Variants in ITIH5 observed in about 807,000 individuals in gnomAD.
ITIH5 encodes the protein inter-alpha-trypsin inhibitor heavy chain H5.
ITIH5 carries 65 observed loss-of-function variants against 77.5 expected under a neutral mutation model. That is an observed-to-expected ratio of 0.84 (90% CI 0.69 to 1.03). ITIH5 has a LOEUF of 1.03. Ranked by LOEUF, ITIH5 falls within the 50% of genes least tolerant of loss-of-function variation. The probability of loss-of-function intolerance (pLI) is 0.00; values close to 1 mark genes in which losing one functional copy is unlikely to be tolerated. For missense variants in ITIH5, 1,208 were observed against 1,213.1 expected (o/e 1.00, Z 0.06); for synonymous variants, 525 against 494.3 (o/e 1.06, Z -0.82).
intron 12 of ITIH5, among the ~76,000 whole-genome samples, chr10:7,567,319 T>TTA (rs1832206359): frequency 7.2e-6 from 1 of 139,498 alleles, no homozygotes; most frequent in Admixed American, 7.3e-5. Context: ...TCGGACATCT[T>TTA]TTATTATTAT....
intron 1 of ITIH5, among the ~76,000 whole-genome samples, chr10:7,661,164 C>T (rs1052860652): frequency 6.6e-6 from 1 of 152,150 alleles, no homozygotes; most frequent in Non-Finnish European, 1.5e-5. Flanking sequence ...CTAAAACCAT[C>T]CCTCCCACCC....
intron 10 of ITIH5, 59 bp from the exon 11 acceptor site, chr10:7,573,254 G>A (rs1422630852): frequency 1.4e-6 from 2 of 1,442,386 alleles, no homozygotes; most frequent in African/African-American, 1.4e-5. Flanking sequence ...GAAGAGAGAG[G>A]TGCAAAGGGA....
chr10:7,608,058 T>C (rs183672378), intron 7 of ITIH5, among the ~76,000 whole-genome samples: 2 of 152,292 alleles, frequency 1.3e-5, no homozygotes, highest in African/African-American at 4.8e-5. Flanking sequence ...GATAGCCACA[T>C]AGCGCTTGCC....
At chr10:7,660,550 C>T (rs977565662) in intron 1 of ITIH5, among the ~76,000 whole-genome samples, 4 of 152,092 alleles carry the variant, frequency 2.6e-5, no homozygotes, top group Admixed American at 6.6e-5. Flanking sequence ...CCAAACCTAC[C>T]CCGTTATCAA....
At chr10:7,644,577 C>CATATATATGTG (rs1335256395) in intron 2 of ITIH5, among the ~76,000 whole-genome samples, 1 of 58,380 alleles carries the variant, frequency 1.7e-5, no homozygotes, top group African/African-American at 7.8e-5. Context: ...ATATATATCA[C>CATATATATGTG]ATATATCACA....
In ITIH5 at chr10:7,580,157, G is replaced by A; in HGVS notation, c.1109-93C>T. ...TTTTTTTGAGACGGAGTCTTGCTCTGTCACCCAGGCTGGAGTGCAATGGCG... is the reference window on the plus strand; with the variant it reads ...TTTTTTTGAGACGGAGTCTTGCTCTATCACCCAGGCTGGAGTGCAATGGCG... On this transcript the variant is annotated intron_variant, in intron 8 of 13. Coordinates refer to ENST00000397146, the MANE Select transcript of ITIH5 (RefSeq NM_030569.7). 3 of 1,114,946 alleles carry A rather than the reference G, an allele frequency of 2.7e-6. No homozygotes were observed. The South Asian group carries it at 4.5e-5, about 17-fold the overall frequency. 69.1% of individuals were successfully genotyped at this position (1,114,946 alleles called of 1,614,324 possible).
At chr10:7,630,020 A>AT (rs1338901912) in intron 5 of ITIH5, among the ~76,000 whole-genome samples, 1 of 152,238 alleles carries the variant, frequency 6.6e-6, no homozygotes, top group African/African-American at 2.4e-5. Flanking sequence ...ATACATGTAT[A>AT]TTAAAAACTT....
At chr10:7,630,901 C>T (rs1403107995) in intron 5 of ITIH5, among the ~76,000 whole-genome samples, 2 of 151,856 alleles carry the variant, frequency 1.3e-5, no homozygotes, top group African/African-American at 4.8e-5. Flanking sequence ...CAAAGGTCTC[C>T]CCATTCCTAG....
At chr10:7,585,165 A>G (rs1183675562) in intron 8 of ITIH5, among the ~76,000 whole-genome samples, 2 of 152,230 alleles carry the variant, frequency 1.3e-5, no homozygotes, top group Non-Finnish European at 2.9e-5. Flanking sequence ...AAGTTCTGCT[A>G]AATGCTCCAA....
At position 7,652,494 on chromosome 10, in the gene ITIH5, A is replaced by G. The variant is rs74572289; in HGVS notation, c.135+3137T>C. Among the ~76,000 whole-genome samples the G allele has an allele frequency of 6.8e-3, 1,040 of 152,290 alleles. 14 individuals carry two copies. The highest frequency in any genetic ancestry group is 0.023 in the African/African-American group (967 of 41,562). On this transcript the variant is annotated intron_variant, in intron 2 of 13. Coordinates refer to ENST00000397146, the MANE Select transcript of ITIH5 (RefSeq NM_030569.7). ...GATGCGCCAGGTCTACCACTGGAAAAATCATTCTAGTACCAACTGGATGGT... is the reference window on the plus strand; with the variant it reads ...GATGCGCCAGGTCTACCACTGGAAAGATCATTCTAGTACCAACTGGATGGT...
At chr10:7,603,225 G>A (rs1027728731) in intron 7 of ITIH5, among the ~76,000 whole-genome samples, 3 of 152,188 alleles carry the variant, frequency 2.0e-5, no homozygotes, top group Admixed American at 1.3e-4. Context: ...AAAAAAGAAT[G>A]AAGTGCAGAT....
rs780892784 is a variant in ITIH5, at chr10:7,576,495, C to T, written c.1936G>A (p.Glu646Lys). ...AHGMSAAMGP[E>K]PVVQSVRGAG... Reference sequence around the variant, plus strand: ...CCTCGCACGCTCTGCACCACCGGTTCGGGTCCCATGGCAGCCGACATGCCG... The same window carrying T: ...CCTCGCACGCTCTGCACCACCGGTTTGGGTCCCATGGCAGCCGACATGCCG... The change falls in exon 10 of 14, where the codon GAA (glutamate) becomes AAA (lysine). Residue 646 changes from glutamate (E) to lysine (K), a missense_variant. Glu to Lys is a moderately conservative substitution (Grantham distance 56, BLOSUM62 1). Transcript: ENST00000397146. 19 of 1,609,030 alleles carry T rather than the reference C, an allele frequency of 1.2e-5. No individual in the cohort carries two copies. The highest frequency in any genetic ancestry group is 1.0e-4 in the Admixed American group (6 of 59,946).
intron 7 of ITIH5, among the ~76,000 whole-genome samples, chr10:7,603,876 C>T (rs73617600): frequency 0.024 from 3,697 of 152,278 alleles, 155 homozygotes; most frequent in African/African-American, 0.084. Flanking sequence ...AGCCACCACG[C>T]CCGGCCTGAT....
At position 7,580,041 on chromosome 10, in the gene ITIH5, G is replaced by A. The variant is rs1233124058; in HGVS notation, c.1132C>T (p.Gln378Ter). 1.9e-6 allele frequency: 3 copies of A among 1,607,774 alleles called. No homozygotes were observed. The highest frequency in any genetic ancestry group is 2.7e-5 in the African/African-American group (2 of 74,798). ...TTGTTGAGGAGCCTGATGGCCCTCT[G>A]CAGGGCCCCGTTGATGTCTGTGCCT... Reference protein sequence around the residue: ...TGGTDINGALQRAIRLLNKYV... With the variant: ...TGGTDINGAL Residue 378 changes from glutamine (Q) to a stop codon, truncating the protein, a stop_gained, in exon 9 of 14, where the codon CAG becomes TAG. Coordinates refer to ENST00000397146, the MANE Select transcript of ITIH5 (RefSeq NM_030569.7). LOFTEE classifies it high-confidence loss of function.
In ITIH5 at chr10:7,562,615, G is replaced by A. The variant is rs1832059217; in HGVS notation, c.*468C>T. On this transcript the variant is annotated 3_prime_UTR_variant, in exon 14 of 14. Coordinates refer to ENST00000397146, the MANE Select transcript of ITIH5 (RefSeq NM_030569.7). ...CAGCAGAGGTTGGCCACACATCTGG[G>A]GGCTGCAACACCACTGAAAAGACAG... 5.7e-6 allele frequency: 1 copy of A among 175,306 alleles called. No individual in the cohort carries two copies. The highest frequency in any genetic ancestry group is 2.4e-5 in the African/African-American group (1 of 42,240). The allele number at this position is 175,306 out of a possible 1,614,324, so 10.9% of individuals were successfully genotyped here. A position where few individuals can be genotyped will look rare whatever the true frequency, so the allele number is the denominator to read the frequency against.
chr10:7,589,705 A>G (rs1477365082), intron 7 of ITIH5, among the ~76,000 whole-genome samples: 2 of 151,940 alleles, frequency 1.3e-5, no homozygotes, highest in East Asian at 1.9e-4. Flanking sequence ...GGCTGACTGC[A>G]GCGGTTTCCC....
At chr10:7,622,358 T>G (rs1045449879) in intron 5 of ITIH5, 3 of 152,178 alleles carry the variant, frequency 2.0e-5, no homozygotes, top group Admixed American at 2.0e-4. Context: ...ATCTGTTACA[T>G]GGAAACAATT....
At chr10:7,646,576 G>A (rs927918) in intron 2 of ITIH5, among the ~76,000 whole-genome samples, 31,240 of 152,190 alleles carry the variant, frequency 0.21, 3,914 homozygotes, top group Non-Finnish European at 0.29. Context: ...TTCCTCTCAG[G>A]GTTTCTGTGG....
intron 2 of ITIH5, among the ~76,000 whole-genome samples, chr10:7,644,840 A>ACATATATAT (rs1276810939): frequency 2.9e-5 from 4 of 135,882 alleles, no homozygotes; most frequent in Non-Finnish European, 6.2e-5. Flanking sequence ...CATATATATC[A>ACATATATAT]CATATATATC....
Sources: allele counts gnomAD v4.1 joint callset (sites outside exome capture counted in the v4.1 genomes callset), GRCh38; gene constraint gnomAD v4.1.1; transcripts MANE v1.5; gene names NCBI Gene and HGNC (gene_info 2026-07-23, HGNC 2026-07-21).